KNDC1: variants seen among roughly 807,000 people sequenced by gnomAD.
The protein encoded by KNDC1 is kinase non-catalytic C-lobe domain-containing protein 1.
In KNDC1, 106 loss-of-function variants were observed where a neutral mutation model predicts 172.8. The ratio of observed to expected loss-of-function variants is 0.61; its 90% CI spans 0.52 to 0.72. The LOEUF (loss-of-function observed/expected upper bound fraction) is 0.72, where lower values mean the gene tolerates loss of function less well. KNDC1 is among the 30% of genes least tolerant of loss of function. The pLI is 0.00. For synonymous variants in KNDC1, 1,083 were observed against 1,062.2 expected (o/e 1.02, Z -0.38); for missense variants, 2,325 against 2,394.5 (o/e 0.97, Z 0.61).
At position 133,207,196 on chromosome 10, in the gene KNDC1, C is replaced by G. The variant is rs770420278; in HGVS notation, c.3639C>G (p.Ile1213Met). The G allele has an allele frequency of 5.6e-6, 9 of 1,610,980 alleles. No homozygotes were observed. Among genetic ancestry groups the G allele is most frequent in the Admixed American group, 1.7e-5 (1 of 59,820 alleles). Residue 1213 changes from isoleucine (I) to methionine (M), a missense_variant, in exon 20 of 30, where the codon ATC becomes ATG. Physicochemically the swap from Ile to Met is conservative, Grantham distance 10. Transcript: ENST00000304613. The stretch of plus-strand genomic sequence containing the variant: ...GCACCCTCCCAGTGATCGTGAACAT[C>G]GCGGCCGCACCCTGCGACACGCTGG... Reference protein sequence around the residue: ...EPCTLPVIVNIAAAPCDTLDF... With the variant: ...EPCTLPVIVNMAAAPCDTLDF...
rs568035289 is a variant in KNDC1, at chr10:133,213,800, C to T, written c.4526+73C>T. On this transcript the variant is annotated intron_variant, in intron 25 of 29. Transcript: ENST00000304613. ...GGGCTTCCCGTAAGAGTCTTGTGGA[C>T]GCTCCTGACCAGCAGGAGATGCCTG... The T allele has an allele frequency of 2.9e-4, 425 of 1,470,568 alleles. 4 individuals are homozygous for T. In the South Asian group the frequency reaches 4.0e-3, roughly 14 times the overall value. 91.1% of individuals were successfully genotyped at this position (1,470,568 alleles called of 1,614,324 possible). A position where few individuals can be genotyped will look rare whatever the true frequency, so the allele number is the denominator to read the frequency against.
At chr10:133,169,811 A>T (rs1853317036) in intron 3 of KNDC1, among the ~76,000 whole-genome samples, 1 of 152,146 alleles carries the variant, frequency 6.6e-6, no homozygotes, top group South Asian at 2.1e-4. Flanking sequence ...AGGGAGTTTT[A>T]GTTTTGTGCT....
intron 17 of KNDC1, chr10:133,202,172 G>A (rs752664033): frequency 1.7e-5 from 12 of 686,512 alleles, no homozygotes; most frequent in African/African-American, 5.3e-5. Context: ...TCGCCCGGGC[G>A]ATGGGTTCAC....
In KNDC1 at chr10:133,167,411, C is replaced by G; in HGVS notation, c.133C>G (p.Leu45Val). Residue 45 changes from leucine (L) to valine (V), a missense_variant, in exon 2 of 30, where the codon CTG (leucine) becomes GTG (valine). By Grantham distance (32) the Leu-to-Val change is conservative. Transcript: ENST00000304613. ...ENVSLADILS[L>V]RDRGLSEQEA... ...CGTGTCTCTGGCTGACATCCTCTCCCTGCGGGACCGCGGCCTCAGCGAGCA... is the reference window on the plus strand; with the variant it reads ...CGTGTCTCTGGCTGACATCCTCTCCGTGCGGGACCGCGGCCTCAGCGAGCA... The G allele has an allele frequency of 6.3e-7, 1 of 1,599,802 alleles. No homozygotes were observed. Among genetic ancestry groups the G allele is most frequent in the East Asian group, 2.3e-5 (1 of 44,326 alleles).
At position 133,188,749 on chromosome 10, in the gene KNDC1, C is replaced by G. The variant is rs546854123; in HGVS notation, c.1441+96C>G. ...CCCACACCCCCGCCGTCCCACCCCC[C>G]ACACCGTCCCACGCCCCCCCACTGT... On this transcript the variant is annotated intron_variant, in intron 7 of 29. Coordinates refer to ENST00000304613, the MANE Select transcript of KNDC1 (RefSeq NM_152643.8). 1,184 of 597,268 alleles carry G rather than the reference C, an allele frequency of 2.0e-3. 10 individuals carry two copies. The African/African-American group carries it at 0.029, about 15-fold the overall frequency. The allele number at this position is 597,268 out of a possible 1,614,324, so 37.0% of individuals were successfully genotyped here. A position where few individuals can be genotyped will look rare whatever the true frequency, so the allele number is the denominator to read the frequency against.
Position 133,188,768 on chromosome 10 carries a change from C to T in KNDC1, c.1441+115C>T. 8 of 586,870 alleles carry T rather than the reference C, an allele frequency of 1.4e-5. No homozygotes were observed. The Admixed American group carries it at 1.4e-4, about 10-fold the overall frequency. 36.4% of individuals were successfully genotyped at this position (586,870 alleles called of 1,614,324 possible). ...ACCCCCCACACCGTCCCACGCCCCC[C>T]CACTGTCCCATCACCCCTGCCGTCC... On this transcript the variant is annotated intron_variant, in intron 7 of 29. Coordinates refer to ENST00000304613, the MANE Select transcript of KNDC1 (RefSeq NM_152643.8).
chr10:133,172,887 C>T (rs1168011682), intron 3 of KNDC1, among the ~76,000 whole-genome samples: 1 of 152,160 alleles, frequency 6.6e-6, no homozygotes, highest in Non-Finnish European at 1.5e-5. Context: ...CCTGTAGCCC[C>T]AGCCGCTCAG....
intron 3 of KNDC1, among the ~76,000 whole-genome samples, chr10:133,181,680 G>A (rs1026300960): frequency 6.6e-6 from 1 of 152,178 alleles, no homozygotes; most frequent in Non-Finnish European, 1.5e-5. Context: ...GTTCCTGACC[G>A]GGAAGGAGAT....
chr10:133,198,287 G>C (rs376408920), intron 12 of KNDC1, 50 bp from the exon 13 acceptor site: 2 of 1,495,988 alleles, frequency 1.3e-6, no homozygotes, highest in South Asian at 1.3e-5. Flanking sequence ...GGTGCGGCAC[G>C]TGCTGGGGCC....
chr10:133,187,917 AC>A (rs1853966322), intron 6 of KNDC1, among the ~76,000 whole-genome samples: 6 of 99,098 alleles, frequency 6.1e-5, no homozygotes, highest in African/African-American at 2.1e-4. Context: ...CCCGCCCTCC[AC>A]CTCCATGAGC....
At chr10:133,194,278 C>T (rs1273088624) in intron 9 of KNDC1, among the ~76,000 whole-genome samples, 1 of 152,116 alleles carries the variant, frequency 6.6e-6, no homozygotes, top group Non-Finnish European at 1.5e-5. Context: ...CACTTGGAAA[C>T]GAAACAACAC....
rs1293241548 is a variant in KNDC1 at position 133,198,720 on chromosome 10, C to T, written c.2212C>T (p.Pro738Ser). The T allele has an allele frequency of 6.3e-7, 1 of 1,576,320 alleles. No individual in the cohort carries two copies. The highest frequency in any genetic ancestry group is 1.2e-5 in the South Asian group (1 of 86,680). ...TPDGPVPGPGPQGAAPEPLGA... is the reference protein window; with the variant it reads ...TPDGPVPGPGSQGAAPEPLGA... ...TGACGGGCCGGTGCCTGGTCCGGGG[C>T]CACAGGGAGCAGCCCCAGAGCCTCT... The change falls in exon 14 of 30, where the codon CCA (proline) becomes TCA (serine). Residue 738 changes from proline (P) to serine (S), a missense_variant. Physicochemically the swap from Pro to Ser is moderately conservative, Grantham distance 74. Transcript: ENST00000304613.
Position 133,200,470 on chromosome 10 carries a change from G to A in KNDC1, c.2989+10G>A. 1 of 1,532,936 alleles carries A rather than the reference G, an allele frequency of 6.5e-7. No individual in the cohort carries two copies. Among genetic ancestry groups the A allele is most frequent in the Non-Finnish European group, 8.8e-7 (1 of 1,141,888 alleles). The allele number at this position is 1,532,936 out of a possible 1,614,324, so 95.0% of individuals were successfully genotyped here. ...TCGCTGCACCGCCTGGGTAAGTGCT[G>A]GGCGGGCCCCGCGGCAGGAGCTCTG... is the stretch of plus-strand genomic sequence containing the variant. On this transcript the variant is annotated intron_variant, in intron 16 of 29. Transcript: ENST00000304613.
chr10:133,170,113 C>A (rs575200690), intron 3 of KNDC1, among the ~76,000 whole-genome samples: 1 of 152,226 alleles, frequency 6.6e-6, no homozygotes, highest in East Asian at 1.9e-4. Context: ...GTTATCCCGT[C>A]GGGTGAAACG....
chr10:133,167,568 A>T lies in KNDC1; in HGVS notation c.290A>T (p.Glu97Val), dbSNP rs1696451259. The T allele has an allele frequency of 6.3e-7, 1 of 1,592,282 alleles. No homozygotes were observed. The highest frequency in any genetic ancestry group is 8.5e-7 in the Non-Finnish European group (1 of 1,169,896). ...ACCAGCGGGAACGTGTGTTTCATGGAGCAGCTCAGCGGTGAGGCGGCGGTG... is the reference window on the plus strand; with the variant it reads ...ACCAGCGGGAACGTGTGTTTCATGGTGCAGCTCAGCGGTGAGGCGGCGGTG... ...FNTSGNVCFM[E>V]QLSDDPEGAF... Residue 97 changes from glutamate to valine, a missense_variant, in exon 2 of 30, where the codon GAG becomes GTG. Physicochemically the swap from Glu to Val is moderately radical, Grantham distance 121. Transcript: ENST00000304613.
At chr10:133,181,467 A>T (rs1853713887) in intron 3 of KNDC1, among the ~76,000 whole-genome samples, 1 of 152,206 alleles carries the variant, frequency 6.6e-6, no homozygotes, top group Admixed American at 6.5e-5. Flanking sequence ...GTGAGGGGAC[A>T]GGGAGGTGCC....
At chr10:133,187,089 G>A (rs1279227446) in intron 6 of KNDC1, among the ~76,000 whole-genome samples, 1 of 152,222 alleles carries the variant, frequency 6.6e-6, no homozygotes, top group East Asian at 1.9e-4. Flanking sequence ...CTATTCTGAC[G>A]GTTTAAAAGT....
intron 13 of KNDC1, 31 bp downstream of exon 13, chr10:133,198,530 T>A: frequency 1.3e-6 from 2 of 1,585,270 alleles, no homozygotes; most frequent in Non-Finnish European, 1.7e-6. Flanking sequence ...CCGGAGCTGC[T>A]GGGTCCCGGG....
At chr10:133,222,201 T>G (rs113089024) in intron 29 of KNDC1, among the ~76,000 whole-genome samples, 47,944 of 145,126 alleles carry the variant, frequency 0.33, 8,976 homozygotes, top group East Asian at 0.61. Context: ...GAGAATGGCG[T>G]GAACCCGGGA....
Sources: allele counts gnomAD v4.1 joint callset (sites outside exome capture counted in the v4.1 genomes callset), GRCh38; gene constraint gnomAD v4.1.1; transcripts MANE v1.5; gene names NCBI Gene and HGNC (gene_info 2026-07-23, HGNC 2026-07-21).